The following ABAT variants were observed in gnomAD, a reference collection of about 807,000 sequenced individuals.
The protein encoded by ABAT is 4-aminobutyrate aminotransferase.
Under a neutral mutation model 64.6 loss-of-function variants are expected in ABAT, and 45 were observed. That is an observed-to-expected ratio of 0.70 (90% CI 0.55 to 0.89). The LOEUF is 0.89. ABAT is among the 40% of genes least tolerant of loss of function. The pLI is 0.00. For missense variants in ABAT, 633 were observed against 658.4 expected (o/e 0.96, Z 0.42); for synonymous variants, 297 against 250.5 (o/e 1.19, Z -1.75).
chr16:8,700,700 A>C lies in ABAT; in HGVS notation c.-42+25989A>C, dbSNP rs745900846. 2.0e-5 allele frequency among the ~76,000 whole-genome samples: 3 copies of C among 152,264 alleles called. 1 individual carries two copies. In the South Asian group the frequency reaches 6.2e-4, roughly 32 times the overall value. ...CAGCCTTGAACTCCTGGGATCAAGCAGTCTTCCCACTCAGCTTCCCAAGTT... is the reference window on the plus strand; with the variant it reads ...CAGCCTTGAACTCCTGGGATCAAGCCGTCTTCCCACTCAGCTTCCCAAGTT... On this transcript the variant is annotated intron_variant, in intron 1 of 15. Transcript: ENST00000268251.
In ABAT at chr16:8,703,047, A is replaced by C. The variant is rs1480855992; in HGVS notation, c.-42+28336A>C. Among the ~76,000 whole-genome samples, 8 of 152,070 alleles carry C rather than the reference A, an allele frequency of 5.3e-5. No individual in the cohort carries two copies. The East Asian group carries it at 1.5e-3, about 29-fold the overall frequency. ...ACCGAGATCCAGGTAGAGTTGACGA[A>C]CACCTCTCTACTGTCAATGTATTGT... On this transcript the variant is annotated intron_variant, in intron 1 of 15. Transcript: ENST00000268251.
At chr16:8,778,195 T>C (rs550873748) in intron 14 of ABAT, among the ~76,000 whole-genome samples, 5 of 152,276 alleles carry the variant, frequency 3.3e-5, no homozygotes, top group African/African-American at 1.2e-4. Context: ...CCTGCATTTG[T>C]TTCCTTGTCT....
At chr16:8,772,666 C>G (rs927773752) in intron 11 of ABAT, 114 bp from the exon 12 acceptor site, 2 of 1,427,142 alleles carry the variant, frequency 1.4e-6, no homozygotes, top group Admixed American at 3.4e-5. Context: ...AGGAAATGCA[C>G]ACAAACACAT....
At chr16:8,731,596 C>T (rs543565274) in intron 1 of ABAT, 1 of 151,942 alleles carries the variant, frequency 6.6e-6, no homozygotes, top group East Asian at 1.9e-4. Flanking sequence ...ATAGGTATGT[C>T]AACCTCAACA....
intron 2 of ABAT, among the ~76,000 whole-genome samples, chr16:8,744,663 C>T (rs1381786789): frequency 6.6e-6 from 1 of 151,994 alleles, no homozygotes; most frequent in Non-Finnish European, 1.5e-5. Flanking sequence ...CCACGGTGCC[C>T]AGCCAGCCAC....
At position 8,783,179 on chromosome 16, in the gene ABAT, A is replaced by G. The variant is rs1307933879; in HGVS notation, c.*1749A>G. ...TCTGCAAGGTTTTCCTCATTTTTATATTCATTTATTCATCATTCATTCATT... is the reference window on the plus strand; with the variant it reads ...TCTGCAAGGTTTTCCTCATTTTTATGTTCATTTATTCATCATTCATTCATT... On this transcript the variant is annotated 3_prime_UTR_variant, in exon 16 of 16. Transcript: ENST00000268251. 6.6e-6 allele frequency: 1 copy of G among 151,932 alleles called. No homozygotes were observed. The highest frequency in any genetic ancestry group is 1.5e-5 in the Non-Finnish European group (1 of 68,028). The allele number at this position is 151,932 out of a possible 1,614,324, so 9.4% of individuals were successfully genotyped here.
At chr16:8,706,151 T>G (rs1247004430) in intron 1 of ABAT, among the ~76,000 whole-genome samples, 1 of 152,010 alleles carries the variant, frequency 6.6e-6, no homozygotes, top group East Asian at 1.9e-4. Context: ...CTCGTGCCTG[T>G]AATCCCAACA....
intron 6 of ABAT, among the ~76,000 whole-genome samples, chr16:8,763,811 C>T (rs998718990): frequency 2.6e-5 from 4 of 152,302 alleles, no homozygotes; most frequent in Non-Finnish European, 4.4e-5. Flanking sequence ...TTTTCCCCAG[C>T]GGCAGTAGCA....
At chr16:8,780,856 T>G in intron 15 of ABAT, 1 of 347,000 alleles carries the variant, frequency 2.9e-6, no homozygotes, top group Non-Finnish European at 5.4e-6. Flanking sequence ...GCAGAGCCTG[T>G]CCCTCCTCCG....
Position 8,746,040 on chromosome 16 carries a change from T to C in ABAT, c.110T>C (p.Val37Ala), listed in dbSNP as rs373781844. The C allele has an allele frequency of 1.1e-5, 18 of 1,613,926 alleles. No individual in the cohort carries two copies. Among genetic ancestry groups the C allele is most frequent in the African/African-American group, 5.3e-5 (4 of 75,004 alleles). ...AGTCAAGCTGCAGCCAAAGTCGACGTTGAATTTGATTATGATGGGCCTCTG... is the reference window on the plus strand; with the variant it reads ...AGTCAAGCTGCAGCCAAAGTCGACGCTGAATTTGATTATGATGGGCCTCTG... ...HISQAAAKVD[V>A]EFDYDGPLMK... Residue 37 changes from valine (V) to alanine (A), a missense_variant, in exon 3 of 16, where the codon GTT becomes GCT. By Grantham distance (64) the Val-to-Ala change is moderately conservative. Coordinates refer to ENST00000268251, the MANE Select transcript of ABAT (RefSeq NM_020686.6).
chr16:8,754,662 A>ATTTCTTTCTTTCTTTCTTTC (rs779413223), intron 5 of ABAT, among the ~76,000 whole-genome samples: 34 of 146,074 alleles, frequency 2.3e-4, no homozygotes, highest in African/African-American at 8.1e-4. Context: ...CAGCAAGTTG[A>ATTTCTTTCTTTCTTTCTTTC]TTTATTTATT....
intron 14 of ABAT, among the ~76,000 whole-genome samples, chr16:8,777,270 A>C (rs2060294781): frequency 1.4e-5 from 2 of 146,828 alleles, no homozygotes; most frequent in African/African-American, 2.5e-5. Context: ...TCCCTCTCTC[A>C]CCCCCTCTAG....
rs1025168306 is a variant in ABAT, at chr16:8,715,803, A to G, written c.-41-19896A>G. Reference sequence around the variant, plus strand: ...ATAGTATTTTATTAATGGTACCTTCATGAGAGTGACTTTGTATCTCAGATC... The same window carrying G: ...ATAGTATTTTATTAATGGTACCTTCGTGAGAGTGACTTTGTATCTCAGATC... On this transcript the variant is annotated intron_variant, in intron 1 of 15. Transcript: ENST00000268251. 3.5e-4 allele frequency among the ~76,000 whole-genome samples: 53 copies of G among 152,274 alleles called. 1 individual carries two copies. Among genetic ancestry groups the G allele is most frequent in the Admixed American group, 3.1e-3 (47 of 15,282 alleles).
In ABAT at chr16:8,783,546, A is replaced by T. The variant is rs1223950792; in HGVS notation, c.*2116A>T. Reference sequence around the variant, plus strand: ...GAGGGAACAGCATATGCAAAGGCGTATCAGTTCATGGCATCACATCTTTCA... The same window carrying T: ...GAGGGAACAGCATATGCAAAGGCGTTTCAGTTCATGGCATCACATCTTTCA... On this transcript the variant is annotated 3_prime_UTR_variant, in exon 16 of 16. Transcript: ENST00000268251. 6.6e-6 allele frequency: 1 copy of T among 152,268 alleles called. No homozygotes were observed. Among genetic ancestry groups the T allele is most frequent in the Non-Finnish European group, 1.5e-5 (1 of 68,062 alleles). The allele number at this position is 152,268 out of a possible 1,614,324, so 9.4% of individuals were successfully genotyped here. A position where few individuals can be genotyped will look rare whatever the true frequency, so the allele number is the denominator to read the frequency against.
intron 14 of ABAT, among the ~76,000 whole-genome samples, chr16:8,777,545 C>T (rs1021088361): frequency 2.6e-5 from 4 of 152,224 alleles, no homozygotes; most frequent in Admixed American, 6.5e-5. Flanking sequence ...GAGCTGGTCA[C>T]GTGGTCACTC....
At chr16:8,699,278 C>G (rs1244516825) in intron 1 of ABAT, among the ~76,000 whole-genome samples, 5 of 152,076 alleles carry the variant, frequency 3.3e-5, no homozygotes, top group African/African-American at 9.7e-5. Context: ...TACAAATGGC[C>G]ACTTGAGTAG....
intron 1 of ABAT, among the ~76,000 whole-genome samples, chr16:8,711,079 G>C (rs2058060486): frequency 6.6e-6 from 1 of 152,132 alleles, no homozygotes; most frequent in Non-Finnish European, 1.5e-5. Flanking sequence ...ATATCAATGA[G>C]ACAAATTCCT....
chr16:8,698,885 G>C (rs1477395039), intron 1 of ABAT, among the ~76,000 whole-genome samples: 1 of 152,204 alleles, frequency 6.6e-6, no homozygotes, highest in East Asian at 1.9e-4. Context: ...GGTGGAGGTT[G>C]AAGTGAGCCA....
chr16:8,768,466 A>C (rs2060010073), intron 10 of ABAT, among the ~76,000 whole-genome samples: 1 of 152,204 alleles, frequency 6.6e-6, no homozygotes, highest in Admixed American at 6.5e-5. Context: ...TCAGTGACAG[A>C]GCCGGGACTG....
Sources: allele counts gnomAD v4.1 joint callset (sites outside exome capture counted in the v4.1 genomes callset), GRCh38; gene constraint gnomAD v4.1.1; transcripts MANE v1.5; gene names NCBI Gene and HGNC (gene_info 2026-07-23, HGNC 2026-07-21).